Variants in SLC17A8 observed in about 807,000 individuals in gnomAD.
SLC17A8 encodes the protein solute carrier family 17 member 8.
Under a neutral mutation model 58.0 loss-of-function variants are expected in SLC17A8, and 31 were observed. The observed-to-expected ratio is 0.53, with a 90% CI of 0.40 to 0.72. The LOEUF (loss-of-function observed/expected upper bound fraction) is 0.72, where lower values mean the gene tolerates loss of function less well. Ranked by LOEUF, SLC17A8 falls within the 30% of genes least tolerant of loss-of-function variation. SLC17A8 has a pLI of 0.00. For missense variants in SLC17A8, 655 were observed against 727.8 expected (o/e 0.90, Z 1.15); for synonymous variants, 228 against 249.0 (o/e 0.92, Z 0.79).
intron 1 of SLC17A8, among the ~76,000 whole-genome samples, chr12:100,368,877 T>A (rs1262177671): frequency 1.3e-5 from 2 of 152,156 alleles, no homozygotes; most frequent in Non-Finnish European, 2.9e-5. Flanking sequence ...CACATAGAAA[T>A]AGGCTCCACT....
chr12:100,411,842 GTTTGTT>G (rs1338627356), intron 9 of SLC17A8, among the ~76,000 whole-genome samples: 6 of 108,486 alleles, frequency 5.5e-5, no homozygotes, highest in Non-Finnish European at 1.2e-4. Flanking sequence ...CTCATGTATT[GTTTGTT>G]TTTTTTTTTT....
chr12:100,411,154 T>C (rs1426252774), intron 9 of SLC17A8, among the ~76,000 whole-genome samples: 1 of 152,096 alleles, frequency 6.6e-6, no homozygotes, highest in East Asian at 1.9e-4. Flanking sequence ...TGCTTGTTTG[T>C]TTAGGAGTAA....
intron 1 of SLC17A8, among the ~76,000 whole-genome samples, chr12:100,375,502 C>T (rs1952588862): frequency 6.6e-6 from 1 of 152,170 alleles, no homozygotes; most frequent in Non-Finnish European, 1.5e-5. Context: ...AGAACGGCCT[C>T]ACATCCCTGC....
At chr12:100,411,352 T>A (rs971030405) in intron 9 of SLC17A8, among the ~76,000 whole-genome samples, 6 of 152,148 alleles carry the variant, frequency 3.9e-5, no homozygotes. Flanking sequence ...TGGTAGCACA[T>A]GCCCATAATC....
At chr12:100,416,359 A>G (rs1952906499) in intron 10 of SLC17A8, among the ~76,000 whole-genome samples, 1 of 152,202 alleles carries the variant, frequency 6.6e-6, no homozygotes, top group Non-Finnish European at 1.5e-5. Context: ...ATCCATGGTA[A>G]GATTAATGAA....
At chr12:100,389,965 C>T (rs373742005) in intron 2 of SLC17A8, among the ~76,000 whole-genome samples, 3 of 151,954 alleles carry the variant, frequency 2.0e-5, no homozygotes, top group East Asian at 1.9e-4. Flanking sequence ...GGATTACAGG[C>T]GTCTGCCACC....
At chr12:100,405,223 T>C (rs1018508928) in intron 9 of SLC17A8, among the ~76,000 whole-genome samples, 1 of 152,172 alleles carries the variant, frequency 6.6e-6, no homozygotes, top group African/African-American at 2.4e-5. Context: ...TTGAACTTTC[T>C]TGTAGAGGAC....
intron 8 of SLC17A8, among the ~76,000 whole-genome samples, chr12:100,403,202 C>T (rs912822015): frequency 3.3e-5 from 5 of 152,154 alleles, no homozygotes; most frequent in Non-Finnish European, 5.9e-5. Flanking sequence ...TTCTGCCAGG[C>T]GTGGTGGCTC....
chr12:100,386,278 A>T (rs558700822), intron 2 of SLC17A8, among the ~76,000 whole-genome samples: 19 of 152,242 alleles, frequency 1.2e-4, no homozygotes, highest in East Asian at 3.9e-4. Flanking sequence ...CCATTTTTTT[A>T]AAAATTTATA....
intron 8 of SLC17A8, 82 bp downstream of exon 8, chr12:100,402,827 T>A: frequency 7.3e-7 from 1 of 1,377,130 alleles, no homozygotes; most frequent in Non-Finnish European, 1.0e-6. Flanking sequence ...ATAAAATAAT[T>A]AAATTGCTGA....
chr12:100,404,951 C>T lies in SLC17A8; in HGVS notation c.1186+781C>T, dbSNP rs576581391. 2.2e-4 allele frequency among the ~76,000 whole-genome samples: 33 copies of T among 152,322 alleles called. 1 individual carries two copies. The South Asian group carries it at 6.8e-3, about 32-fold the overall frequency. Reference sequence around the variant, plus strand: ...CCTCTGGAGGACTAGTCAGGATGAGCGAGCAGGAGGTAGAGGATAGCGCCA... The same window carrying T: ...CCTCTGGAGGACTAGTCAGGATGAGTGAGCAGGAGGTAGAGGATAGCGCCA... On this transcript the variant is annotated intron_variant, in intron 9 of 11. Coordinates refer to ENST00000323346, the MANE Select transcript of SLC17A8 (RefSeq NM_139319.3).
intron 11 of SLC17A8, 79 bp from the exon 12 acceptor site, chr12:100,419,736 A>G (rs1347257556): frequency 3.5e-6 from 5 of 1,422,772 alleles, no homozygotes; most frequent in Admixed American, 3.5e-5. Flanking sequence ...GTGCTTTTTC[A>G]CAGTGGAGGC....
chr12:100,386,922 C>G (rs981295097), intron 2 of SLC17A8, among the ~76,000 whole-genome samples: 2 of 152,162 alleles, frequency 1.3e-5, no homozygotes, highest in African/African-American at 2.4e-5. Flanking sequence ...CTCCTGACCT[C>G]AAGTGATCTA....
intron 2 of SLC17A8, among the ~76,000 whole-genome samples, chr12:100,386,870 G>A (rs1952679054): frequency 6.6e-6 from 1 of 151,952 alleles, no homozygotes; most frequent in South Asian, 2.1e-4. Context: ...TATATTTTTA[G>A]TAGAGACGGG....
intron 2 of SLC17A8, 26 bp from the exon 3 acceptor site, chr12:100,390,975 A>G (rs1224716766): frequency 6.7e-7 from 1 of 1,497,378 alleles, no homozygotes; most frequent in South Asian, 1.1e-5. Flanking sequence ...TAACAAACAC[A>G]ACTATATCTG....
chr12:100,390,818 C>T (rs559816401), intron 2 of SLC17A8, among the ~76,000 whole-genome samples, 183 bp from the exon 3 acceptor site: 41 of 152,212 alleles, frequency 2.7e-4, no homozygotes, highest in Admixed American at 8.5e-4. Context: ...CACACCACTA[C>T]GCCTGGCCCA....
At chr12:100,390,140 T>C (rs890904627) in intron 2 of SLC17A8, among the ~76,000 whole-genome samples, 2 of 151,804 alleles carry the variant, frequency 1.3e-5, no homozygotes, top group East Asian at 1.9e-4. Flanking sequence ...AGATTTTTGA[T>C]TTTTTGTAGA....
At chr12:100,412,592 T>TAAA (rs57500563) in intron 9 of SLC17A8, among the ~76,000 whole-genome samples, 178 bp from the exon 10 acceptor site, 3 of 72,066 alleles carry the variant, frequency 4.2e-5, no homozygotes, top group Non-Finnish European at 6.1e-5. Context: ...CAAGTAAAGT[T>TAAA]AAAAAAAAAA....
intron 5 of SLC17A8, among the ~76,000 whole-genome samples, chr12:100,401,055 T>G (rs2136004201): frequency 7.0e-6 from 1 of 142,166 alleles, no homozygotes; most frequent in Admixed American, 7.6e-5. Flanking sequence ...TGGAGTGCAG[T>G]GGTGAGATCT....
Sources: gnomAD v4.1 joint callset for allele counts (sites outside exome capture counted in the v4.1 genomes callset) on GRCh38, gnomAD v4.1.1 for gene constraint, MANE v1.5 for transcripts, NCBI Gene and HGNC (gene_info 2026-07-23, HGNC 2026-07-21) for gene names.